SLC9A6: variants seen among roughly 807,000 people sequenced by gnomAD.
The protein encoded by SLC9A6 is solute carrier family 9 member A6.
A neutral mutation model predicts 45.3 loss-of-function variants in SLC9A6; 6 were observed. That is an observed-to-expected ratio of 0.13 (90% CI 0.07 to 0.26). SLC9A6 has a LOEUF of 0.26. Among genes scored for constraint, SLC9A6 ranks in the 10% least tolerant of loss-of-function variants. The pLI is 1.00. For synonymous variants in SLC9A6, 191 were observed against 187.7 expected (o/e 1.02, Z -0.14); for missense variants, 278 against 503.7 (o/e 0.55, Z 4.29).
intron 2 of SLC9A6, among the ~76,000 whole-genome samples, chrX:135,991,840 A>G (rs952502098): frequency 2.8e-5 from 3 of 108,909 alleles, no homozygotes; most frequent in Non-Finnish European, 5.7e-5. Flanking sequence ...TTTCCTTCTC[A>G]GACTCCTTCA....
chrX:136,013,325 A>G (rs1556618884), intron 9 of SLC9A6, 24 bp from the exon 10 acceptor site: 1 of 1,136,201 alleles, frequency 8.8e-7, no homozygotes. Flanking sequence ...TTTTATGTGA[A>G]CTTGGAATTT....
chrX:135,998,464 C>CTTT lies in SLC9A6; in HGVS notation c.448-8_448-6dup, dbSNP rs375038684. The stretch of plus-strand genomic sequence containing the variant: ...ACTGGTAAGTATTCTAACAGTGTAA[C>CTTT]TTTTTTTTTTTTGTCAGAGACATTT... On this transcript the variant is annotated splice_polypyrimidine_tract_variant and intron_variant, in intron 4 of 17. Coordinates refer to ENST00000630721, the MANE Select transcript of SLC9A6 (RefSeq NM_001379110.1). 242 of 829,886 alleles carry CTTT rather than the reference C, an allele frequency of 2.9e-4. No individual in the cohort carries two copies. The highest frequency in any genetic ancestry group is 5.7e-4 in the Admixed American group (15 of 26,535). The allele number at this position is 829,886 out of a possible 1,213,427, so 68.4% of individuals were successfully genotyped here. A position where few individuals can be genotyped will look rare whatever the true frequency, so the allele number is the denominator to read the frequency against.
At chrX:136,036,594 G>A (rs2071416582) in intron 16 of SLC9A6, among the ~76,000 whole-genome samples, 1 of 112,379 alleles carries the variant, frequency 8.9e-6, no homozygotes, top group Non-Finnish European at 1.9e-5. Context: ...GTTCACTGTA[G>A]CCCCAACCTC....
At chrX:135,996,996 G>A (rs1458290537) in intron 3 of SLC9A6, among the ~76,000 whole-genome samples, 3 of 111,033 alleles carry the variant, frequency 2.7e-5, no homozygotes, top group Non-Finnish European at 5.7e-5. Flanking sequence ...TCGATCTCCT[G>A]ACTTTGTGAT....
chrX:136,006,970 G>A (rs1312333195), intron 7 of SLC9A6, among the ~76,000 whole-genome samples: 3 of 110,393 alleles, frequency 2.7e-5, no homozygotes, highest in Admixed American at 9.7e-5. Flanking sequence ...AGGTTCAAGC[G>A]ATTCTCCTGC....
In SLC9A6 at chrX:136,031,774, A is replaced by G. The variant is rs782070879; in HGVS notation, c.1581+1612A>G. On this transcript the variant is annotated intron_variant, in intron 15 of 17. Transcript: ENST00000630721. Reference sequence around the variant, plus strand: ...CAGAGGAACCTTATACTAAGTATGGAGTGTGTGGGGGTGGGGTATACAGGT... The same window carrying G: ...CAGAGGAACCTTATACTAAGTATGGGGTGTGTGGGGGTGGGGTATACAGGT... 6.3e-5 allele frequency among the ~76,000 whole-genome samples: 7 copies of G among 111,248 alleles called. No homozygotes were observed. In the South Asian group the frequency reaches 2.7e-3, roughly 42 times the overall value.
intron 7 of SLC9A6, among the ~76,000 whole-genome samples, chrX:136,006,565 T>C (rs1382163972): frequency 9.2e-6 from 1 of 108,358 alleles, no homozygotes; most frequent in African/African-American, 3.4e-5. Flanking sequence ...TGAAGTGAAA[T>C]TGACTCCCTC....
intron 13 of SLC9A6, 55 bp downstream of exon 13, chrX:136,024,538 T>G: frequency 9.5e-7 from 1 of 1,058,128 alleles, no homozygotes; most frequent in Non-Finnish European, 1.3e-6. Flanking sequence ...TGGTTTATTT[T>G]TCTGCCTGTT....
At chrX:135,994,693 C>A in intron 2 of SLC9A6, 93 bp from the exon 3 acceptor site, 1 of 815,835 alleles carries the variant, frequency 1.2e-6, no homozygotes, top group Non-Finnish European at 1.9e-6. Context: ...AGGGAACTAC[C>A]GTAAGAGATT....
intron 5 of SLC9A6, 116 bp downstream of exon 5, chrX:135,998,674 A>G: frequency 3.1e-6 from 2 of 655,180 alleles, no homozygotes; most frequent in Non-Finnish European, 4.9e-6. Flanking sequence ...CTTTTGCAAT[A>G]TTCACGTAGG....
chrX:135,988,348 A>G (rs148436196), intron 2 of SLC9A6, among the ~76,000 whole-genome samples: 1,734 of 111,504 alleles, frequency 0.016, 25 homozygotes, highest in African/African-American at 0.053. Flanking sequence ...CTGTGGACCA[A>G]ACAGCCTCCT....
At chrX:136,025,141 ATAT>A (rs2071204773) in intron 13 of SLC9A6, among the ~76,000 whole-genome samples, 1 of 112,386 alleles carries the variant, frequency 8.9e-6, no homozygotes, top group Non-Finnish European at 1.9e-5. Context: ...TCACTACTAG[ATAT>A]TATCATTTTT....
chrX:135,990,705 C>T lies in SLC9A6; in HGVS notation c.170-4081C>T, dbSNP rs1357582496. 6.3e-5 allele frequency among the ~76,000 whole-genome samples: 7 copies of T among 110,354 alleles called. No individual in the cohort carries two copies. In the East Asian group the frequency reaches 8.5e-4, roughly 13 times the overall value. ...GTAGAACCAGTGGGCACTCGGGAGG[C>T]GGAGGTTGCAGTGAGCCGAGATCAC... On this transcript the variant is annotated intron_variant, in intron 2 of 17. Coordinates refer to ENST00000630721, the MANE Select transcript of SLC9A6 (RefSeq NM_001379110.1).
At position 135,992,823 on chromosome X, in the gene SLC9A6, C is replaced by T. The variant is rs1426614998; in HGVS notation, c.170-1963C>T. Among the ~76,000 whole-genome samples the T allele has an allele frequency of 2.7e-5, 3 of 111,269 alleles. No homozygotes were observed. In the Admixed American group the frequency reaches 2.9e-4, roughly 11 times the overall value. On this transcript the variant is annotated intron_variant, in intron 2 of 17. Transcript: ENST00000630721. ...TTTTCACCAACTGGACCGAGTTTTC[C>T]TTGACATTATGATTGTTTATTCAGT...
chrX:135,998,759 G>C, intron 5 of SLC9A6, 97 bp from the exon 6 acceptor site: 2 of 709,331 alleles, frequency 2.8e-6, no homozygotes. Context: ...TTTGGGATTA[G>C]TCACAAAGTA....
At chrX:135,997,031 G>A (rs1355845638) in intron 3 of SLC9A6, among the ~76,000 whole-genome samples, 1 of 110,920 alleles carries the variant, frequency 9.0e-6, no homozygotes, top group Non-Finnish European at 1.9e-5. Flanking sequence ...CTCCCAAAGT[G>A]CTGGGATTAC....
chrX:136,041,403 G>T (rs2071507945), intron 17 of SLC9A6, among the ~76,000 whole-genome samples: 1 of 111,615 alleles, frequency 9.0e-6, no homozygotes, highest in Non-Finnish European at 1.9e-5. Flanking sequence ...TGGCATCTGG[G>T]CCAGGGAGGA....
intron 1 of SLC9A6, among the ~76,000 whole-genome samples, chrX:135,976,475 C>T (rs1175084486): frequency 9.2e-6 from 1 of 109,281 alleles, no homozygotes; most frequent in Non-Finnish European, 1.9e-5. Flanking sequence ...GGTGGTGGGC[C>T]CCTGTAATTC....
In SLC9A6 at chrX:136,044,798, TC is replaced by T; in HGVS notation, c.*77del. The T allele has an allele frequency of 1.1e-6, 1 of 923,100 alleles. No homozygotes were observed. Among genetic ancestry groups the T allele is most frequent in the Admixed American group, 2.2e-5 (1 of 45,255 alleles). 76.1% of individuals were successfully genotyped at this position (923,100 alleles called of 1,213,427 possible). ...TGAAGAAATTTGTACTACCTAAAAG[TC>T]CCAGTGCATGTCTCTGAATGTGTAA... is the stretch of plus-strand genomic sequence containing the variant. On this transcript the variant is annotated 3_prime_UTR_variant, in exon 18 of 18. Coordinates refer to ENST00000630721, the MANE Select transcript of SLC9A6 (RefSeq NM_001379110.1).
Sources: allele counts gnomAD v4.1 joint callset (sites outside exome capture counted in the v4.1 genomes callset), GRCh38; gene constraint gnomAD v4.1.1; transcripts MANE v1.5; gene names NCBI Gene and HGNC (gene_info 2026-07-23, HGNC 2026-07-21).